The following RERG variants were observed in gnomAD, a reference collection of about 807,000 sequenced individuals.
RERG encodes ras-related and estrogen-regulated growth inhibitor.
In RERG, 25 loss-of-function variants were observed where a neutral mutation model predicts 23.2. The observed-to-expected ratio is 1.08, with a 90% CI of 0.79 to 1.50. RERG has a LOEUF of 1.50. Ranked by LOEUF, RERG falls within the 40% of genes most tolerant of loss-of-function variation. The probability of loss-of-function intolerance (pLI) is 0.00; values close to 1 mark genes in which losing one functional copy is unlikely to be tolerated. For synonymous variants in RERG, 81 were observed against 89.1 expected, an observed-to-expected ratio of 0.91 and a Z score of 0.51; for missense variants, 253 against 250.1, an observed-to-expected ratio of 1.01 and a Z score of -0.08.
intron 2 of RERG, among the ~76,000 whole-genome samples, chr12:15,188,932 A>C (rs115455033): frequency 0.013 from 1,982 of 152,236 alleles, 40 homozygotes; most frequent in African/African-American, 0.044. Context: ...TCTTTTTATC[A>C]GATTTCTTGA....
At chr12:15,214,581 G>C (rs1263346866) in intron 2 of RERG, among the ~76,000 whole-genome samples, 1 of 152,180 alleles carries the variant, frequency 6.6e-6, no homozygotes, top group Non-Finnish European at 1.5e-5. Context: ...CTCTGCAGTA[G>C]AAAGATAAAT....
intron 2 of RERG, among the ~76,000 whole-genome samples, chr12:15,188,225 C>T (rs1865020699): frequency 2.0e-5 from 3 of 152,160 alleles, no homozygotes; most frequent in Admixed American, 2.0e-4. Context: ...TTCTTTCTCA[C>T]ATGGTTGCCT....
chr12:15,167,752 T>G (rs1370983428), intron 2 of RERG, among the ~76,000 whole-genome samples: 1 of 152,206 alleles, frequency 6.6e-6, no homozygotes, highest in African/African-American at 2.4e-5. Context: ...TTTTTTTGCA[T>G]AGACTTCCCT....
intron 2 of RERG, among the ~76,000 whole-genome samples, chr12:15,216,070 A>G (rs1015892040): frequency 6.6e-6 from 1 of 152,182 alleles, no homozygotes; most frequent in African/African-American, 2.4e-5. Context: ...GGAGTTAGAC[A>G]AGCTCTTGCT....
At chr12:15,204,562 T>C (rs535851481) in intron 2 of RERG, among the ~76,000 whole-genome samples, 132 of 151,862 alleles carry the variant, frequency 8.7e-4, no homozygotes, top group African/African-American at 3.1e-3. Flanking sequence ...ATGAAGATAA[T>C]ACAATTTTGA....
At chr12:15,117,836 G>A (rs1863757416) in intron 3 of RERG, among the ~76,000 whole-genome samples, 1 of 152,050 alleles carries the variant, frequency 6.6e-6, no homozygotes, top group Non-Finnish European at 1.5e-5. Context: ...CATGGATCCT[G>A]TTGTTCTACA....
chr12:15,159,543 G>T (rs1052302756), intron 2 of RERG, among the ~76,000 whole-genome samples: 2 of 152,116 alleles, frequency 1.3e-5, no homozygotes, highest in African/African-American at 4.8e-5. Context: ...TTAATGGAGG[G>T]CTGGGCACGG....
rs537382135 is a variant in RERG at position 15,109,774 on chromosome 12, A to G, written c.193-257T>C. 1.4e-4 allele frequency among the ~76,000 whole-genome samples: 22 copies of G among 152,236 alleles called. No individual in the cohort carries two copies. In the South Asian group the frequency reaches 4.4e-3, roughly 30 times the overall value. ...TTCTGCTTTTAATTTTTTTCTTGCC[A>G]TATCATTAAATCTGTAATCATAAAA... On this transcript the variant is annotated intron_variant, in intron 4 of 4. Transcript: ENST00000256953.
At chr12:15,136,905 A>T (rs751842738) in intron 2 of RERG, among the ~76,000 whole-genome samples, 62 of 151,946 alleles carry the variant, frequency 4.1e-4, no homozygotes, top group Non-Finnish European at 6.9e-4. Context: ...TATAGATGTC[A>T]GTTATATCTA....
intron 2 of RERG, among the ~76,000 whole-genome samples, chr12:15,212,120 C>T (rs61907976): frequency 1.5e-3 from 199 of 130,328 alleles, no homozygotes; most frequent in Non-Finnish European, 2.3e-3. Flanking sequence ...ACTGCAGTGG[C>T]GGAATCTCGG....
rs892981615 is a variant in RERG, at chr12:15,117,143, T to G, written c.118+3920A>C. Among the ~76,000 whole-genome samples the G allele has an allele frequency of 2.1e-3, 33 of 15,662 alleles. No homozygotes were observed. In the Admixed American group the frequency reaches 0.025, roughly 12 times the overall value. 10.3% of individuals were successfully genotyped at this position (15,662 alleles called of 152,430 possible). A position where few individuals can be genotyped will look rare whatever the true frequency, so the allele number is the denominator to read the frequency against. ...TGGTTAATCTTTTTACTGATTTAGC[T>G]TTTTTTTTTTTTGCGAATTTCAACA... On this transcript the variant is annotated intron_variant, in intron 3 of 4. Transcript: ENST00000256953.
chr12:15,141,932 T>C (rs76684095), intron 2 of RERG, among the ~76,000 whole-genome samples: 87 of 152,350 alleles, frequency 5.7e-4, no homozygotes, highest in African/African-American at 2.0e-3. Flanking sequence ...AAGTGTGTGA[T>C]ACAAAGAGGA....
rs185833729 is a variant in RERG, at chr12:15,174,765, A to T, written c.61+42664T>A. Among the ~76,000 whole-genome samples the T allele has an allele frequency of 3.0e-3, 453 of 151,722 alleles. 3 individuals carry two copies. Among genetic ancestry groups the T allele is most frequent in the African/African-American group, 0.01 (418 of 41,376 alleles). On this transcript the variant is annotated intron_variant, in intron 2 of 4. Transcript: ENST00000256953. The stretch of plus-strand genomic sequence containing the variant: ...CTTGGGCCTCTCTGGTGCATTTTTC[A>T]TTTTAGCTTAATACTTTTCAATACC...
intron 2 of RERG, among the ~76,000 whole-genome samples, chr12:15,188,930 T>C (rs1865030829): frequency 6.6e-6 from 1 of 152,156 alleles, no homozygotes. Context: ...GTTCTTTTTA[T>C]CAGATTTCTT....
At position 15,109,536 on chromosome 12, in the gene RERG, G is replaced by A; in HGVS notation, c.193-19C>T. The A allele has an allele frequency of 6.4e-7, 1 of 1,558,958 alleles. No homozygotes were observed. The highest frequency in any genetic ancestry group is 1.4e-5 in the African/African-American group (1 of 73,222). On this transcript the variant is annotated intron_variant, in intron 4 of 4. Coordinates refer to ENST00000256953, the MANE Select transcript of RERG (RefSeq NM_032918.3). ...TATCTTCCTGTTGGCAAAGAAAAAT[G>A]GCCGTCAAGAGACCTGGAAATAATC...
At chr12:15,202,340 G>A (rs1418314581) in intron 2 of RERG, among the ~76,000 whole-genome samples, 6 of 151,672 alleles carry the variant, frequency 4.0e-5, no homozygotes, top group African/African-American at 1.4e-4. Context: ...AAATTTTTAA[G>A]CGCACAACAC....
intron 2 of RERG, among the ~76,000 whole-genome samples, chr12:15,214,633 T>C (rs1406641591): frequency 2.0e-5 from 3 of 152,214 alleles, no homozygotes; most frequent in African/African-American, 7.2e-5. Flanking sequence ...ATAGCCATAT[T>C]CACAAAGAAT....
intron 2 of RERG, among the ~76,000 whole-genome samples, chr12:15,155,675 T>A (rs1441163413): frequency 1.3e-5 from 2 of 152,168 alleles, no homozygotes; most frequent in Non-Finnish European, 2.9e-5. Context: ...ATTATCTTGT[T>A]CTAGCATTTA....
chr12:15,127,622 A>T (rs1863971683), intron 2 of RERG, among the ~76,000 whole-genome samples: 1 of 152,224 alleles, frequency 6.6e-6, no homozygotes, highest in Non-Finnish European at 1.5e-5. Context: ...AGAAGTAAAA[A>T]TGAGCATTAT....
Sources: gnomAD v4.1 joint callset for allele counts (sites outside exome capture counted in the v4.1 genomes callset) on GRCh38, gnomAD v4.1.1 for gene constraint, MANE v1.5 for transcripts, NCBI Gene and HGNC (gene_info 2026-07-23, HGNC 2026-07-21) for gene names.